The following SGCZ variants were observed in gnomAD, a reference collection of about 807,000 sequenced individuals.
SGCZ encodes zeta-sarcoglycan.
SGCZ carries 40 observed loss-of-function variants against 41.3 expected under a neutral mutation model. The ratio of observed to expected loss-of-function variants is 0.97; its 90% CI spans 0.75 to 1.26. The LOEUF is 1.26. Among genes scored for constraint, SGCZ ranks in the 50% most tolerant of loss-of-function variants. The pLI is 0.00. For missense variants in SGCZ, 552 were observed against 369.8 expected, an observed-to-expected ratio of 1.49 and a Z score of -4.04; for synonymous variants, 206 against 137.5, an observed-to-expected ratio of 1.50 and a Z score of -3.49.
At chr8:14,173,169 G>GT (rs35802498) in intron 4 of SGCZ, among the ~76,000 whole-genome samples, 62 of 150,000 alleles carry the variant, frequency 4.1e-4, no homozygotes, top group East Asian at 1.8e-3. Context: ...TGCTTTGAGA[G>GT]TTTTTTTTTT....
At chr8:15,015,170 G>C (rs923665467) in intron 1 of SGCZ, among the ~76,000 whole-genome samples, 2 of 152,018 alleles carry the variant, frequency 1.3e-5, no homozygotes, top group Non-Finnish European at 2.9e-5. Flanking sequence ...TTGAACCTGG[G>C]AGACAGAGGC....
At chr8:14,518,009 G>T (rs1278905056) in intron 2 of SGCZ, among the ~76,000 whole-genome samples, 1 of 151,218 alleles carries the variant, frequency 6.6e-6, no homozygotes, top group African/African-American at 2.4e-5. Flanking sequence ...CGTGTATTTT[G>T]ATTTTTTTAT....
intron 1 of SGCZ, among the ~76,000 whole-genome samples, chr8:14,558,620 C>A (rs186702920): frequency 2.3e-5 from 2 of 86,780 alleles, no homozygotes; most frequent in African/African-American, 9.1e-5. Flanking sequence ...GAGAATCTTC[C>A]ATAAATAATT....
chr8:15,105,331 G>A (rs923528822), intron 1 of SGCZ, among the ~76,000 whole-genome samples: 1 of 152,080 alleles, frequency 6.6e-6, no homozygotes, highest in Non-Finnish European at 1.5e-5. Context: ...CCCTCACACT[G>A]CTGTAAAGAA....
chr8:15,214,819 A>T (rs1042172332), intron 1 of SGCZ, among the ~76,000 whole-genome samples: 1 of 152,188 alleles, frequency 6.6e-6, no homozygotes, highest in African/African-American at 2.4e-5. Context: ...TAATTTGGCA[A>T]CTGGTCATTA....
At chr8:14,149,648 C>T in intron 5 of SGCZ, among the ~76,000 whole-genome samples, 1 of 73,590 alleles carries the variant, frequency 1.4e-5, no homozygotes, top group African/African-American at 5.1e-5. Context: ...CAGTGACTTT[C>T]TTCATAGGAA....
chr8:14,975,550 G>C (rs758807283), intron 1 of SGCZ, among the ~76,000 whole-genome samples: 1 of 151,998 alleles, frequency 6.6e-6, no homozygotes, highest in Non-Finnish European at 1.5e-5. Context: ...CAGTGAGATT[G>C]TTTTCACTGG....
Position 14,920,809 on chromosome 8 carries a change from G to A in SGCZ, c.39+316776C>T, listed in dbSNP as rs551463784. Among the ~76,000 whole-genome samples the A allele has an allele frequency of 2.6e-3, 394 of 152,252 alleles. 3 individuals are homozygous for A. The highest frequency in any genetic ancestry group is 9.1e-3 in the African/African-American group (380 of 41,536). ...TTAACTCATTCTAAAATAGATAGTT[G>A]AGAGTTTATTCTGGGAGGTTTCATT... On this transcript the variant is annotated intron_variant, in intron 1 of 7. Transcript: ENST00000382080.
At chr8:14,621,173 C>A (rs1235129046) in intron 1 of SGCZ, among the ~76,000 whole-genome samples, 1 of 150,612 alleles carries the variant, frequency 6.6e-6, no homozygotes, top group Non-Finnish European at 1.5e-5. Flanking sequence ...TCATTCTCAG[C>A]AAACTATCAC....
chr8:14,986,894 C>A (rs951350113), intron 1 of SGCZ, among the ~76,000 whole-genome samples: 4 of 151,676 alleles, frequency 2.6e-5, no homozygotes, highest in African/African-American at 9.7e-5. Flanking sequence ...TATAAATACT[C>A]AGTAAGGATT....
intron 7 of SGCZ, among the ~76,000 whole-genome samples, chr8:14,094,272 C>T (rs375161944): frequency 1.3e-5 from 2 of 151,934 alleles, no homozygotes; most frequent in African/African-American, 2.4e-5. Flanking sequence ...GGTATTTGTC[C>T]TAATGCTATC....
chr8:14,520,091 A>G (rs1802744974), intron 2 of SGCZ, among the ~76,000 whole-genome samples: 1 of 152,174 alleles, frequency 6.6e-6, no homozygotes, highest in African/African-American at 2.4e-5. Context: ...CCACAATGAC[A>G]AGCTATAGTC....
chr8:14,553,603 T>C (rs1803938964), intron 2 of SGCZ, among the ~76,000 whole-genome samples: 1 of 152,030 alleles, frequency 6.6e-6, no homozygotes, highest in Non-Finnish European at 1.5e-5. Context: ...CTCTGGAAGG[T>C]TAAGCCACCT....
At chr8:14,173,889 T>C (rs1052501039) in intron 4 of SGCZ, among the ~76,000 whole-genome samples, 1 of 152,122 alleles carries the variant, frequency 6.6e-6, no homozygotes, top group African/African-American at 2.4e-5. Flanking sequence ...TTACAAGAGA[T>C]ATATTTGAAA....
At chr8:14,257,379 A>G (rs1474405956) in intron 3 of SGCZ, among the ~76,000 whole-genome samples, 1 of 152,016 alleles carries the variant, frequency 6.6e-6, no homozygotes, top group African/African-American at 2.4e-5. Context: ...AAACAAAACA[A>G]AAACACAAAC....
At chr8:14,230,406 T>C (rs1806519590) in intron 4 of SGCZ, among the ~76,000 whole-genome samples, 1 of 152,136 alleles carries the variant, frequency 6.6e-6, no homozygotes, top group Admixed American at 6.6e-5. Flanking sequence ...TATGTTAACA[T>C]ATTTAATTTT....
At chr8:14,356,640 CTT>C (rs1803302857) in intron 2 of SGCZ, among the ~76,000 whole-genome samples, 1 of 151,824 alleles carries the variant, frequency 6.6e-6, no homozygotes, top group Non-Finnish European at 1.5e-5. Context: ...AAATGAAAAT[CTT>C]TACCCATATG....
intron 1 of SGCZ, among the ~76,000 whole-genome samples, chr8:14,809,474 A>T (rs1258975416): frequency 1.3e-5 from 2 of 152,168 alleles, no homozygotes; most frequent in African/African-American, 2.4e-5. Flanking sequence ...TCCAGCAAGA[A>T]TTTTTTCGGC....
At chr8:14,177,961 T>TTCTTTTTTTTTC (rs1180535015) in intron 4 of SGCZ, among the ~76,000 whole-genome samples, 9 of 129,504 alleles carry the variant, frequency 6.9e-5, no homozygotes, top group African/African-American at 2.5e-4. Flanking sequence ...TTTTTTTCTT[T>TTCTTTTTTTTTC]TTTTTTTTTT....
Sources: allele counts gnomAD v4.1 joint callset (sites outside exome capture counted in the v4.1 genomes callset), GRCh38; gene constraint gnomAD v4.1.1; transcripts MANE v1.5; gene names NCBI Gene and HGNC (gene_info 2026-07-23, HGNC 2026-07-21).